SLC25A48: variants seen among roughly 807,000 people sequenced by gnomAD.
SLC25A48 encodes solute carrier family 25 member 48.
In SLC25A48, 29 loss-of-function variants were observed where a neutral mutation model predicts 32.2. The ratio of observed to expected loss-of-function variants is 0.90; its 90% confidence interval spans 0.67 to 1.23. The LOEUF (loss-of-function observed/expected upper bound fraction) is 1.23. Ranked by LOEUF, SLC25A48 falls within the 50% of genes most tolerant of loss-of-function variation. The pLI is 0.00. For synonymous variants in SLC25A48, 164 were observed against 172.3 expected (o/e 0.95, Z 0.38); for missense variants, 399 against 422.7 (o/e 0.94, Z 0.49).
Position 135,875,873 on chromosome 5 carries a change from C to T in SLC25A48, c.813+1719C>T, listed in dbSNP as rs1266669958. 3 of 152,220 alleles carry T rather than the reference C, an allele frequency of 2.0e-5. 1 individual carries two copies. In the East Asian group the frequency reaches 5.8e-4, roughly 29 times the overall value. The allele number at this position is 152,220 out of a possible 1,614,324, so 9.4% of individuals were successfully genotyped here. On this transcript the variant is annotated intron_variant, in intron 6 of 7. Coordinates refer to ENST00000681962, the MANE Select transcript of SLC25A48 (RefSeq NM_001349336.2). ...TGGTCACTACCCATTAAGCAAGACC[C>T]TAGTGGTGCCCTGGGAATGAAGAGC...
intron 3 of SLC25A48, among the ~76,000 whole-genome samples, chr5:135,741,650 A>G (rs1433403955): frequency 6.6e-6 from 1 of 152,154 alleles, no homozygotes; most frequent in Non-Finnish European, 1.5e-5. Context: ...AGGTGGGAGG[A>G]TAGATTGATG....
intron 3 of SLC25A48, among the ~76,000 whole-genome samples, chr5:135,681,346 T>C (rs1310121022): frequency 6.6e-6 from 1 of 152,252 alleles, no homozygotes; most frequent in African/African-American, 2.4e-5. Flanking sequence ...GTGTCTAATT[T>C]TCTGTTAACT....
chr5:135,859,276 A>T (rs1760586736), intron 4 of SLC25A48, among the ~76,000 whole-genome samples: 1 of 152,156 alleles, frequency 6.6e-6, no homozygotes, highest in African/African-American at 2.4e-5. Flanking sequence ...GAGCAAAGTC[A>T]CGTCTTACAT....
chr5:135,662,838 C>G (rs765969172), intron 3 of SLC25A48, among the ~76,000 whole-genome samples: 16 of 152,184 alleles, frequency 1.1e-4, no homozygotes, highest in Non-Finnish European at 2.1e-4. Flanking sequence ...CCAATTCCCC[C>G]TCTATACATT....
At chr5:135,877,165 A>G (rs758818307) in intron 6 of SLC25A48, among the ~76,000 whole-genome samples, 3 of 152,208 alleles carry the variant, frequency 2.0e-5, no homozygotes, top group Non-Finnish European at 4.4e-5. Flanking sequence ...ATCCCCAAGT[A>G]GAAACAGAAG....
intron 3 of SLC25A48, among the ~76,000 whole-genome samples, chr5:135,706,323 G>A (rs903572637): frequency 3.9e-5 from 6 of 152,164 alleles, no homozygotes; most frequent in African/African-American, 1.4e-4. Context: ...GTACCATACA[G>A]CAAGAGCAGG....
At chr5:135,598,311 A>G (rs1751707032) in intron 1 of SLC25A48, among the ~76,000 whole-genome samples, 3 of 152,136 alleles carry the variant, frequency 2.0e-5, no homozygotes, top group Admixed American at 1.3e-4. Context: ...TTCCTATTGC[A>G]TTATCTCATT....
Position 135,850,412 on chromosome 5 carries a change from CCT to C in SLC25A48, c.91-7_91-6del. The C allele has an allele frequency of 1.9e-6, 3 of 1,614,108 alleles. No homozygotes were observed. The highest frequency in any genetic ancestry group is 2.5e-6 in the Non-Finnish European group (3 of 1,179,962). On this transcript the variant is annotated splice_polypyrimidine_tract_variant and intron_variant, in intron 2 of 7. Transcript: ENST00000681962. ...ACCTCTGCGCTGACCCATGTCCTTG[CCT>C]CTCTCCATAGACTCGCCTGCAGGCT...
chr5:135,801,061 T>C (rs1407703979), intron 3 of SLC25A48, among the ~76,000 whole-genome samples: 1 of 151,576 alleles, frequency 6.6e-6, no homozygotes, highest in Non-Finnish European at 1.5e-5. Context: ...AGGACGATAT[T>C]ACTCCCAATA....
chr5:135,865,445 A>G (rs1473067131), intron 4 of SLC25A48, among the ~76,000 whole-genome samples: 1 of 152,196 alleles, frequency 6.6e-6, no homozygotes, highest in Admixed American at 6.5e-5. Context: ...TGATGCTTCC[A>G]TCAAATCTAA....
intron 3 of SLC25A48, among the ~76,000 whole-genome samples, chr5:135,656,509 T>A (rs1753253216): frequency 6.6e-6 from 1 of 152,166 alleles, no homozygotes; most frequent in African/African-American, 2.4e-5. Context: ...TGAGACACCA[T>A]CTTCTCCGTG....
intron 3 of SLC25A48, among the ~76,000 whole-genome samples, chr5:135,794,695 G>A (rs868252780): frequency 9.2e-5 from 14 of 151,446 alleles, no homozygotes; most frequent in Middle Eastern, 3.4e-3. Context: ...CGGGGGGAGA[G>A]GATGACATTA....
chr5:135,847,720 G>C (rs538667056), intron 2 of SLC25A48, among the ~76,000 whole-genome samples: 5 of 152,158 alleles, frequency 3.3e-5, no homozygotes, highest in Non-Finnish European at 7.4e-5. Flanking sequence ...CGGGAAAGAG[G>C]GTGAACCCCA....
chr5:135,580,166 A>C (rs1751200553), intron 1 of SLC25A48, among the ~76,000 whole-genome samples: 1 of 152,220 alleles, frequency 6.6e-6, no homozygotes, highest in Admixed American at 6.5e-5. Flanking sequence ...TGAGAGAAGA[A>C]ATAACTTGTC....
Position 135,881,630 on chromosome 5 carries a change from T to C in SLC25A48, c.*7+1533T>C, listed in dbSNP as rs1191081629. On this transcript the variant is annotated intron_variant, in intron 7 of 7. Coordinates refer to ENST00000681962, the MANE Select transcript of SLC25A48 (RefSeq NM_001349336.2). Reference sequence around the variant, plus strand: ...AAGGAATTCATCTTATTCTTAAAGCTGTGCTCAGATATTGGCCATTTCCCC... The same window carrying C: ...AAGGAATTCATCTTATTCTTAAAGCCGTGCTCAGATATTGGCCATTTCCCC... 2.0e-5 allele frequency among the ~76,000 whole-genome samples: 3 copies of C among 152,368 alleles called. No individual in the cohort carries two copies. In the East Asian group the frequency reaches 5.8e-4, roughly 29 times the overall value.
intron 1 of SLC25A48, among the ~76,000 whole-genome samples, chr5:135,606,491 A>G (rs1197833214): frequency 6.6e-6 from 1 of 152,160 alleles, no homozygotes; most frequent in Admixed American, 6.5e-5. Flanking sequence ...TATCTATGGC[A>G]GGCTCTTTTC....
intron 3 of SLC25A48, among the ~76,000 whole-genome samples, chr5:135,727,978 G>A (rs970741042): frequency 3.9e-5 from 6 of 152,100 alleles, no homozygotes; most frequent in African/African-American, 7.2e-5. Context: ...GTGGCTGGCC[G>A]TGCACGGTGG....
intron 7 of SLC25A48, among the ~76,000 whole-genome samples, chr5:135,886,696 GA>G (rs1762750397): frequency 6.9e-6 from 1 of 144,080 alleles, no homozygotes. Flanking sequence ...GAGAGAGAGA[GA>G]GAGAGTGTGT....
intron 3 of SLC25A48, among the ~76,000 whole-genome samples, chr5:135,754,731 A>G (rs923792340): frequency 2.0e-5 from 3 of 152,038 alleles, no homozygotes; most frequent in African/African-American, 7.2e-5. Flanking sequence ...TGTGATATTA[A>G]TGAAATATCG....
Sources: gnomAD v4.1 joint callset for allele counts (sites outside exome capture counted in the v4.1 genomes callset) on GRCh38, gnomAD v4.1.1 for gene constraint, MANE v1.5 for transcripts, NCBI Gene and HGNC (gene_info 2026-07-23, HGNC 2026-07-21) for gene names.